Variants in MB21D2 observed in about 807,000 individuals in gnomAD.
The protein encoded by MB21D2 is nucleotidyltransferase MB21D2.
Under a neutral mutation model 33.3 loss-of-function variants are expected in MB21D2, and 9 were observed. The observed-to-expected ratio is 0.27, with a 90% confidence interval of 0.16 to 0.47. The LOEUF (loss-of-function observed/expected upper bound fraction) is 0.47, where lower values mean the gene tolerates loss of function less well. MB21D2 is among the 20% of genes least tolerant of loss of function. The pLI is 0.99. For missense variants in MB21D2, 540 were observed against 624.6 expected, an observed-to-expected ratio of 0.86 and a Z score of 1.44; for synonymous variants, 241 against 236.3, an observed-to-expected ratio of 1.02 and a Z score of -0.18.
chr3:192,829,830 G>C (rs57607195), intron 1 of MB21D2, among the ~76,000 whole-genome samples: 1,735 of 152,260 alleles, frequency 0.011, 27 homozygotes, highest in African/African-American at 0.039. Context: ...AGGCTCAAGT[G>C]ATACTCCCAC....
At chr3:192,894,853 A>AG (rs1713930449) in intron 1 of MB21D2, among the ~76,000 whole-genome samples, 1 of 152,156 alleles carries the variant, frequency 6.6e-6, no homozygotes, top group South Asian at 2.1e-4. Flanking sequence ...ACCTCCCTTT[A>AG]GGCTTTTTCT....
intron 1 of MB21D2, among the ~76,000 whole-genome samples, chr3:192,901,534 G>A (rs1714102287): frequency 7.5e-6 from 1 of 133,434 alleles, no homozygotes; most frequent in Non-Finnish European, 1.6e-5. Flanking sequence ...AGGATCTCAA[G>A]CAGTTATTTC....
At chr3:192,807,264 G>A (rs1309361886) in intron 1 of MB21D2, among the ~76,000 whole-genome samples, 2 of 151,294 alleles carry the variant, frequency 1.3e-5, no homozygotes, top group Non-Finnish European at 2.9e-5. Context: ...AGTCACAATA[G>A]GGTACAAAAG....
chr3:192,800,749 T>A (rs1711546852), intron 1 of MB21D2, among the ~76,000 whole-genome samples: 1 of 152,174 alleles, frequency 6.6e-6, no homozygotes, highest in South Asian at 2.1e-4. Context: ...TGAACTAGCC[T>A]CTTTGTTCAT....
At chr3:192,828,799 C>T (rs1032606549) in intron 1 of MB21D2, among the ~76,000 whole-genome samples, 1 of 150,320 alleles carries the variant, frequency 6.7e-6, no homozygotes, top group Non-Finnish European at 1.5e-5. Flanking sequence ...CAGGCGCCCG[C>T]CATCACACCC....
At chr3:192,830,189 T>C (rs1712281840) in intron 1 of MB21D2, among the ~76,000 whole-genome samples, 1 of 152,026 alleles carries the variant, frequency 6.6e-6, no homozygotes, top group African/African-American at 2.4e-5. Context: ...ATTATGAACA[T>C]AGAGTTTTCC....
chr3:192,843,888 C>T (rs1056945781), intron 1 of MB21D2, among the ~76,000 whole-genome samples: 36 of 152,072 alleles, frequency 2.4e-4, no homozygotes, highest in African/African-American at 9.7e-5. Context: ...CCTCCATGCA[C>T]GATCAGACAA....
At chr3:192,810,897 G>A (rs935792572) in intron 1 of MB21D2, among the ~76,000 whole-genome samples, 1 of 152,134 alleles carries the variant, frequency 6.6e-6, no homozygotes, top group Non-Finnish European at 1.5e-5. Context: ...GTGTGTGTGT[G>A]TGCGCACGCA....
chr3:192,817,344 G>T (rs1393030392), intron 1 of MB21D2, among the ~76,000 whole-genome samples: 1 of 152,062 alleles, frequency 6.6e-6, no homozygotes, highest in Admixed American at 6.6e-5. Context: ...TGTCAGCTTT[G>T]TAAGGGACAG....
At chr3:192,850,534 A>C (rs115231520) in intron 1 of MB21D2, among the ~76,000 whole-genome samples, 3 of 152,120 alleles carry the variant, frequency 2.0e-5, no homozygotes, top group African/African-American at 7.2e-5. Flanking sequence ...ACTTCTCCAC[A>C]TTCCACAGAA....
chr3:192,855,219 C>T (rs1488138904), intron 1 of MB21D2, among the ~76,000 whole-genome samples: 1 of 152,200 alleles, frequency 6.6e-6, no homozygotes, highest in Admixed American at 6.5e-5. Context: ...CTGCCTCAGC[C>T]TCCCGAGCAG....
chr3:192,906,803 A>G lies in MB21D2; in HGVS notation c.211+10827T>C, dbSNP rs1270322121. On this transcript the variant is annotated intron_variant, in intron 1 of 1. Transcript: ENST00000392452. ...ACATAGTAATTGCACCAGTAATTAC[A>G]CTAGCACATGGCAGGCATGCCAACA... Among the ~76,000 whole-genome samples, 3 of 152,238 alleles carry G rather than the reference A, an allele frequency of 2.0e-5. No homozygotes were observed. The East Asian group carries it at 5.8e-4, about 29-fold the overall frequency.
At chr3:192,805,976 T>C (rs60667087) in intron 1 of MB21D2, among the ~76,000 whole-genome samples, 3,512 of 152,306 alleles carry the variant, frequency 0.023, 102 homozygotes, top group African/African-American at 0.065. Flanking sequence ...CAAAACATGT[T>C]AGATGAAGGG....
At chr3:192,860,639 C>G (rs2042493020) in intron 1 of MB21D2, among the ~76,000 whole-genome samples, 1 of 152,192 alleles carries the variant, frequency 6.6e-6, no homozygotes, top group African/African-American at 2.4e-5. Context: ...AGACAGTCTG[C>G]ACATGGTGCC....
chr3:192,846,634 C>T (rs920956907), intron 1 of MB21D2, among the ~76,000 whole-genome samples: 1 of 152,058 alleles, frequency 6.6e-6, no homozygotes, highest in African/African-American at 2.4e-5. Flanking sequence ...CTGAAACATA[C>T]CAAAAATTCC....
chr3:192,864,823 A>G (rs1164917173), intron 1 of MB21D2, among the ~76,000 whole-genome samples: 1 of 152,122 alleles, frequency 6.6e-6, no homozygotes, highest in Admixed American at 6.5e-5. Context: ...CCAATTTTTA[A>G]GAGTCATATT....
chr3:192,901,413 CAAAAAAAAAA>C (rs71635401), intron 1 of MB21D2, among the ~76,000 whole-genome samples: 2 of 100,888 alleles, frequency 2.0e-5, no homozygotes, highest in East Asian at 3.7e-4. Context: ...ACTAAAAATT[CAAAAAAAAAA>C]AAAAAAAAAA....
rs34857204 is a variant in MB21D2 at position 192,828,593 on chromosome 3, T to C, written c.212-28943A>G. ...TATACAATAAAACTCACCCCCCCCA[T>C]ATATATATATATATATATATATATA... On this transcript the variant is annotated intron_variant, in intron 1 of 1. Coordinates refer to ENST00000392452, the MANE Select transcript of MB21D2 (RefSeq NM_178496.4). Among the ~76,000 whole-genome samples, 108 of 13,640 alleles carry C rather than the reference T, an allele frequency of 7.9e-3. 1 individual carries two copies. The highest frequency in any genetic ancestry group is 0.027 in the East Asian group (6 of 222). 8.9% of individuals were successfully genotyped at this position (13,640 alleles called of 152,430 possible).
chr3:192,817,527 A>G (rs1353137165), intron 1 of MB21D2, among the ~76,000 whole-genome samples: 1 of 152,242 alleles, frequency 6.6e-6, no homozygotes, highest in Admixed American at 6.5e-5. Context: ...GGACTCAATC[A>G]TGACAGCTAG....
Sources: gnomAD v4.1 joint callset for allele counts (sites outside exome capture counted in the v4.1 genomes callset) on GRCh38, gnomAD v4.1.1 for gene constraint, MANE v1.5 for transcripts, NCBI Gene and HGNC (gene_info 2026-07-23, HGNC 2026-07-21) for gene names.